AGFG1: variants seen among roughly 807,000 people sequenced by gnomAD.
AGFG1 encodes the protein ArfGAP with FG repeats 1, also known as arf-GAP domain and FG repeat-containing protein 1.
In AGFG1, 10 loss-of-function variants were observed where a neutral mutation model predicts 60.6. That is an observed-to-expected ratio of 0.16 (90% CI 0.10 to 0.28). The LOEUF is 0.28. AGFG1 is among the 10% of genes least tolerant of loss of function. The probability of loss-of-function intolerance (pLI) is 1.00; values close to 1 mark genes in which losing one functional copy is unlikely to be tolerated. For missense variants in AGFG1, 537 were observed against 676.5 expected (o/e 0.79, Z 2.29); for synonymous variants, 247 against 242.9 (o/e 1.02, Z -0.16).
chr2:227,492,875 G>T (rs900300117), intron 2 of AGFG1, among the ~76,000 whole-genome samples: 2 of 152,000 alleles, frequency 1.3e-5, no homozygotes, highest in African/African-American at 4.8e-5. Context: ...AATACAATTT[G>T]AACTACTTGT....
chr2:227,473,087 G>C (rs1207370008), intron 1 of AGFG1, among the ~76,000 whole-genome samples: 1 of 151,246 alleles, frequency 6.6e-6, no homozygotes, highest in Admixed American at 6.6e-5. Flanking sequence ...GCTGGGGGTC[G>C]GGGAGAAGCT....
chr2:227,488,513 A>G (rs924910018), intron 1 of AGFG1, among the ~76,000 whole-genome samples: 1 of 152,204 alleles, frequency 6.6e-6, no homozygotes, highest in Non-Finnish European at 1.5e-5. Flanking sequence ...TTAAAAGGAG[A>G]TATTACCAGT....
At chr2:227,553,644 A>G (rs1692888411) in intron 11 of AGFG1, 60 bp from the exon 12 acceptor site, 4 of 1,342,740 alleles carry the variant, frequency 3.0e-6, no homozygotes, top group East Asian at 2.3e-5. Flanking sequence ...ATGAGGCTTT[A>G]TAAGCATCAG....
chr2:227,518,604 A>G (rs185580204), intron 2 of AGFG1, among the ~76,000 whole-genome samples: 2,237 of 146,164 alleles, frequency 0.015, 31 homozygotes, highest in Non-Finnish European at 0.022. Context: ...GCTCACTGCA[A>G]CCTCCCCTTC....
intron 1 of AGFG1, among the ~76,000 whole-genome samples, chr2:227,481,753 A>G (rs772044598): frequency 2.6e-5 from 4 of 152,168 alleles, no homozygotes; most frequent in Non-Finnish European, 4.4e-5. Flanking sequence ...AGTATGAGAT[A>G]AACACATCAT....
At chr2:227,534,692 G>A (rs1283435726) in intron 7 of AGFG1, among the ~76,000 whole-genome samples, 153 bp from the exon 8 acceptor site, 1 of 152,184 alleles carries the variant, frequency 6.6e-6, no homozygotes, top group Admixed American at 6.5e-5. Flanking sequence ...ATCCTGTCCA[G>A]TATGGTCCAG....
chr2:227,475,995 C>CT (rs1356714712), intron 1 of AGFG1, among the ~76,000 whole-genome samples: 14 of 152,204 alleles, frequency 9.2e-5, no homozygotes, highest in East Asian at 7.7e-4. Context: ...ATACTAATAC[C>CT]TTTTTTTAAA....
Position 227,552,012 on chromosome 2 carries a change from G to A in AGFG1, c.1432G>A (p.Ala478Thr). 6.2e-7 allele frequency: 1 copy of A among 1,614,170 alleles called. No individual in the cohort carries two copies. The highest frequency in any genetic ancestry group is 8.5e-7 in the Non-Finnish European group (1 of 1,180,026). ...MSMPTGFGTPAPYSLPTSFSG... is the reference protein window; with the variant it reads ...MSMPTGFGTPTPYSLPTSFSG... The stretch of plus-strand genomic sequence containing the variant: ...CATGCCCACAGGATTCGGCACTCCT[G>A]CTCCCTACAGTCTTCCCACCAGCTT... The change falls in exon 11 of 13, where the codon GCT becomes ACT. Residue 478 changes from alanine to threonine, a missense_variant. Ala to Thr is a moderately conservative substitution (Grantham distance 58, BLOSUM62 0). This residue lies in a region of AGFG1 where 287 missense variants were observed against 343.6 expected (regional missense o/e 0.84). Coordinates refer to ENST00000310078, the MANE Select transcript of AGFG1 (RefSeq NM_004504.5).
chr2:227,515,539 T>C (rs1013482435), intron 2 of AGFG1, among the ~76,000 whole-genome samples: 1 of 152,172 alleles, frequency 6.6e-6, no homozygotes, highest in Admixed American at 6.5e-5. Context: ...TCCTGATGTC[T>C]TTATTTTTCT....
At chr2:227,491,782 TG>T in intron 2 of AGFG1, 142 bp downstream of exon 2, 1 of 514,096 alleles carries the variant, frequency 1.9e-6, no homozygotes, top group Non-Finnish European at 3.4e-6. Context: ...TATTTTAAAA[TG>T]TACTCATTTA....
At chr2:227,510,076 T>G (rs1355073539) in intron 2 of AGFG1, among the ~76,000 whole-genome samples, 1 of 152,198 alleles carries the variant, frequency 6.6e-6, no homozygotes, top group African/African-American at 2.4e-5. Context: ...CTACTATGAC[T>G]TCACTAATAA....
At chr2:227,530,217 C>A (rs1166043800) in intron 5 of AGFG1, among the ~76,000 whole-genome samples, 1 of 152,112 alleles carries the variant, frequency 6.6e-6, no homozygotes, top group Non-Finnish European at 1.5e-5. Context: ...TTACATTCTG[C>A]TTAGCTTGGA....
Position 227,554,731 on chromosome 2 carries a change from C to A in AGFG1, c.*236C>A. 2 of 391,632 alleles carry A rather than the reference C, an allele frequency of 5.1e-6. No homozygotes were observed. The highest frequency in any genetic ancestry group is 9.1e-6 in the Non-Finnish European group (2 of 218,584). 24.3% of individuals were successfully genotyped at this position (391,632 alleles called of 1,614,324 possible). A position where few individuals can be genotyped will look rare whatever the true frequency, so the allele number is the denominator to read the frequency against. On this transcript the variant is annotated 3_prime_UTR_variant, in exon 13 of 13. Transcript: ENST00000310078. Reference sequence around the variant, plus strand: ...GCGGTATCATGTATATTAAAATTGGCTAATATTAAGTTATTGCAGATACCA... The same window carrying A: ...GCGGTATCATGTATATTAAAATTGGATAATATTAAGTTATTGCAGATACCA...
chr2:227,548,697 G>A (rs1303561517), intron 10 of AGFG1, among the ~76,000 whole-genome samples: 1 of 152,194 alleles, frequency 6.6e-6, no homozygotes, highest in African/African-American at 2.4e-5. Flanking sequence ...CAGCACTTTG[G>A]GAGGCCGAGG....
chr2:227,498,832 C>T (rs1363755616), intron 2 of AGFG1, among the ~76,000 whole-genome samples: 1 of 152,124 alleles, frequency 6.6e-6, no homozygotes, highest in African/African-American at 2.4e-5. Context: ...CAGTGTATTT[C>T]TTTCTAGCTG....
Position 227,559,481 on chromosome 2 carries a change from C to T in AGFG1, c.*4986C>T, listed in dbSNP as rs1303170633. On this transcript the variant is annotated 3_prime_UTR_variant, in exon 13 of 13. Coordinates refer to ENST00000310078, the MANE Select transcript of AGFG1 (RefSeq NM_004504.5). ...TATTTTATTCTAGTGGATAAAAATT[C>T]AACGTATATTTAAGTGTATTTTTGA... is the stretch of plus-strand genomic sequence containing the variant. 2.6e-5 allele frequency: 4 copies of T among 151,982 alleles called. No homozygotes were observed. The highest frequency in any genetic ancestry group is 2.0e-4 in the Admixed American group (3 of 15,264). The allele number at this position is 151,982 out of a possible 1,614,324, so 9.4% of individuals were successfully genotyped here. A position where few individuals can be genotyped will look rare whatever the true frequency, so the allele number is the denominator to read the frequency against.
At chr2:227,492,126 A>C (rs1690837345) in intron 2 of AGFG1, among the ~76,000 whole-genome samples, 1 of 152,102 alleles carries the variant, frequency 6.6e-6, no homozygotes, top group Non-Finnish European at 1.5e-5. Flanking sequence ...AGTGGCAGCT[A>C]AGTGTCATGG....
chr2:227,544,730 T>C (rs1012227202), intron 10 of AGFG1, among the ~76,000 whole-genome samples: 3 of 152,198 alleles, frequency 2.0e-5, no homozygotes, highest in African/African-American at 7.2e-5. Context: ...TTAGTTTGGC[T>C]GGATATGAAA....
chr2:227,533,933 A>G (rs887758406), intron 7 of AGFG1, among the ~76,000 whole-genome samples, 175 bp downstream of exon 7: 2 of 152,190 alleles, frequency 1.3e-5, no homozygotes, highest in African/African-American at 4.8e-5. Context: ...CTGAAATATC[A>G]ACTACAAAAC....
Sources: allele counts gnomAD v4.1 joint callset (sites outside exome capture counted in the v4.1 genomes callset), GRCh38; gene constraint gnomAD v4.1.1; regional missense constraint gnomAD v4.1.1; transcripts MANE v1.5; gene names NCBI Gene and HGNC (gene_info 2026-07-23, HGNC 2026-07-21).